Variants in LRP1B observed in about 807,000 individuals in gnomAD.
The protein encoded by LRP1B is LDL receptor related protein 1B.
In LRP1B, 217 loss-of-function variants were observed where a neutral mutation model predicts 556.6. The ratio of observed to expected loss-of-function variants is 0.39; its 90% CI spans 0.35 to 0.44. The LOEUF is 0.44. Ranked by LOEUF, LRP1B falls within the 20% of genes least tolerant of loss-of-function variation. The pLI, the probability that LRP1B is intolerant of heterozygous loss-of-function variation, is 1.00. For synonymous variants in LRP1B, 2,047 were observed against 1,865.8 expected, an observed-to-expected ratio of 1.10 and a Z score of -2.50; for missense variants, 5,053 against 5,620.8, an observed-to-expected ratio of 0.90 and a Z score of 3.23.
At chr2:141,650,441 C>G (rs1355526097) in intron 2 of LRP1B, among the ~76,000 whole-genome samples, 1 of 152,080 alleles carries the variant, frequency 6.6e-6, no homozygotes, top group Non-Finnish European at 1.5e-5. Context: ...TTAAACCTTT[C>G]CATTTCAGCC....
chr2:142,014,676 T>C (rs1703063597), intron 1 of LRP1B, among the ~76,000 whole-genome samples: 1 of 152,152 alleles, frequency 6.6e-6, no homozygotes, highest in African/African-American at 2.4e-5. Context: ...CTGTCAAGTA[T>C]TGGAAGCACG....
At chr2:142,086,602 C>T (rs1705934749) in intron 1 of LRP1B, among the ~76,000 whole-genome samples, 1 of 145,298 alleles carries the variant, frequency 6.9e-6, no homozygotes, top group African/African-American at 2.6e-5. Flanking sequence ...CAGAGCAAGA[C>T]TCCATCTCAA....
chr2:142,008,743 G>C (rs186246901), intron 1 of LRP1B, among the ~76,000 whole-genome samples: 7 of 151,936 alleles, frequency 4.6e-5, no homozygotes, highest in African/African-American at 1.2e-4. Flanking sequence ...AATTGGATAT[G>C]TCCCCTTCTT....
chr2:141,309,873 G>C (rs547390053), intron 3 of LRP1B, among the ~76,000 whole-genome samples: 1 of 151,982 alleles, frequency 6.6e-6, no homozygotes, highest in East Asian at 1.9e-4. Flanking sequence ...GACATCAATT[G>C]CAAAATGAGA....
At chr2:141,031,250 AT>A (rs1289128419) in intron 11 of LRP1B, among the ~76,000 whole-genome samples, 4 of 78,772 alleles carry the variant, frequency 5.1e-5, no homozygotes, top group Non-Finnish European at 7.6e-5. Flanking sequence ...ATATATACAT[AT>A]CACACACACA....
chr2:141,085,965 C>G (rs796576942), intron 7 of LRP1B, among the ~76,000 whole-genome samples: 1 of 152,110 alleles, frequency 6.6e-6, no homozygotes, highest in South Asian at 2.1e-4. Flanking sequence ...TTTGTTTCAT[C>G]GTGGTTAGAT....
At chr2:141,028,209 G>T (rs1194613714) in intron 11 of LRP1B, among the ~76,000 whole-genome samples, 1 of 151,606 alleles carries the variant, frequency 6.6e-6, no homozygotes, top group Non-Finnish European at 1.5e-5. Context: ...TAGTTTAAAT[G>T]ATATTAATAA....
At chr2:141,893,368 T>A (rs1297014645) in intron 1 of LRP1B, among the ~76,000 whole-genome samples, 1 of 152,084 alleles carries the variant, frequency 6.6e-6, no homozygotes, top group East Asian at 1.9e-4. Flanking sequence ...ACCTGGCTAA[T>A]TTTTGTATTT....
At chr2:140,670,791 G>A (rs1239392031) in intron 41 of LRP1B, among the ~76,000 whole-genome samples, 1 of 152,170 alleles carries the variant, frequency 6.6e-6, no homozygotes, top group Non-Finnish European at 1.5e-5. Flanking sequence ...TATGTGTCTT[G>A]ATAAAATTAC....
At chr2:141,307,228 G>A (rs1271384942) in intron 3 of LRP1B, among the ~76,000 whole-genome samples, 3 of 151,574 alleles carry the variant, frequency 2.0e-5, no homozygotes, top group Admixed American at 6.6e-5. Context: ...AAATATTATT[G>A]TACTGGAGTT....
chr2:141,614,423 A>G (rs1688224303), intron 2 of LRP1B, among the ~76,000 whole-genome samples: 1 of 152,170 alleles, frequency 6.6e-6, no homozygotes, highest in Non-Finnish European at 1.5e-5. Context: ...AGTGTTTCTG[A>G]AGAAGATATG....
intron 7 of LRP1B, among the ~76,000 whole-genome samples, chr2:141,067,263 T>A (rs1193595171): frequency 6.6e-6 from 1 of 152,010 alleles, no homozygotes; most frequent in African/African-American, 2.4e-5. Flanking sequence ...GAAAAAGTAA[T>A]GAGTCTTTGA....
chr2:141,912,294 T>C (rs748229842), intron 1 of LRP1B, among the ~76,000 whole-genome samples: 18 of 152,200 alleles, frequency 1.2e-4, no homozygotes, highest in South Asian at 2.1e-4. Context: ...CTAATCATTA[T>C]GTATAATCCC....
intron 35 of LRP1B, among the ~76,000 whole-genome samples, chr2:140,749,053 C>T (rs1349966257): frequency 6.6e-6 from 1 of 151,514 alleles, no homozygotes; most frequent in Admixed American, 6.6e-5. Context: ...GTACTGAGTA[C>T]TGTAGGCAAT....
chr2:140,775,686 G>A (rs1689470527), intron 33 of LRP1B, among the ~76,000 whole-genome samples: 1 of 151,974 alleles, frequency 6.6e-6, no homozygotes, highest in African/African-American at 2.4e-5. Flanking sequence ...AAACAAAAAA[G>A]CAAAATGATT....
At chr2:141,663,296 C>T (rs930674117) in intron 2 of LRP1B, among the ~76,000 whole-genome samples, 4 of 151,366 alleles carry the variant, frequency 2.6e-5, no homozygotes, top group Non-Finnish European at 4.4e-5. Flanking sequence ...CAAGAGCAAA[C>T]AAGCCGCAAA....
chr2:142,056,256 A>G (rs1574639106), intron 1 of LRP1B, among the ~76,000 whole-genome samples: 1 of 152,208 alleles, frequency 6.6e-6, no homozygotes, highest in Non-Finnish European at 1.5e-5. Flanking sequence ...TGTTGCAAAT[A>G]TTATAAAAAC....
chr2:140,605,757 A>G (rs1225583979), intron 41 of LRP1B, among the ~76,000 whole-genome samples: 3 of 151,652 alleles, frequency 2.0e-5, no homozygotes, highest in Non-Finnish European at 4.4e-5. Flanking sequence ...TTGCAATAAG[A>G]CAACAATTTG....
intron 3 of LRP1B, among the ~76,000 whole-genome samples, chr2:141,345,370 CT>C (rs998825855): frequency 1.1e-4 from 16 of 151,660 alleles, no homozygotes; most frequent in African/African-American, 2.9e-4. Context: ...CTAATAAGGA[CT>C]TTTTTTTTCT....
Sources: gnomAD v4.1 joint callset for allele counts (sites outside exome capture counted in the v4.1 genomes callset) on GRCh38, gnomAD v4.1.1 for gene constraint, MANE v1.5 for transcripts, NCBI Gene and HGNC (gene_info 2026-07-23, HGNC 2026-07-21) for gene names.